Variants in AIM2 observed in about 807,000 individuals in gnomAD.
AIM2 encodes the protein interferon-inducible protein AIM2.
Under a neutral mutation model 27.7 loss-of-function variants are expected in AIM2, and 30 were observed. The ratio of observed to expected loss-of-function variants is 1.08; its 90% CI spans 0.81 to 1.47. The LOEUF is 1.47. AIM2 is among the 40% of genes most tolerant of loss of function. The pLI is 0.00. For missense variants in AIM2, 358 were observed against 411.3 expected, an observed-to-expected ratio of 0.87 and a Z score of 1.12; for synonymous variants, 141 against 145.3, an observed-to-expected ratio of 0.97 and a Z score of 0.21.
upstream of AIM2, chr1:159,081,617 C>A: frequency 2.5e-6 from 1 of 393,536 alleles, no homozygotes; most frequent in South Asian, 2.1e-5. Context: ...AAATAGCATC[C>A]AAGGGTCACC....
intron 1 of AIM2, among the ~76,000 whole-genome samples, chr1:159,116,792 C>T (rs1033469625): frequency 2.0e-5 from 3 of 151,196 alleles, no homozygotes; most frequent in African/African-American, 7.3e-5. Context: ...ATGTAACTAA[C>T]CTGCACATTG....
intron 1 of AIM2, among the ~76,000 whole-genome samples, chr1:159,136,552 A>G (rs1648012196): frequency 6.6e-6 from 1 of 152,190 alleles, no homozygotes; most frequent in Non-Finnish European, 1.5e-5. Context: ...CCCTTATCAT[A>G]ATACGCCATT....
intron 1 of AIM2, among the ~76,000 whole-genome samples, chr1:159,098,563 T>C (rs952856577): frequency 5.3e-5 from 8 of 152,212 alleles, no homozygotes; most frequent in Admixed American, 4.6e-4. Flanking sequence ...TGTGTATTGC[T>C]GACCTAGAGA....
intron 1 of AIM2, among the ~76,000 whole-genome samples, chr1:159,084,132 C>T (rs1015639271): frequency 5.3e-5 from 8 of 152,144 alleles, no homozygotes; most frequent in African/African-American, 1.9e-4. Flanking sequence ...TCAAGGGTAC[C>T]CTGCTAGTAT....
chr1:159,061,695 G>A (rs550627272), downstream of AIM2, among the ~76,000 whole-genome samples: 127 of 151,356 alleles, frequency 8.4e-4, no homozygotes, highest in African/African-American at 2.8e-3. Context: ...GTGAGCCACC[G>A]TGCCTGGCCT....
intron 1 of AIM2, among the ~76,000 whole-genome samples, chr1:159,088,067 TGGTGATAAG>T (rs987548055): frequency 1.8e-4 from 28 of 152,252 alleles, no homozygotes; most frequent in African/African-American, 6.5e-4. Flanking sequence ...TTAATATAAC[TGGTGATAAG>T]TTGAGTCTCT....
At chr1:159,134,358 A>G (rs1453994716) in intron 1 of AIM2, among the ~76,000 whole-genome samples, 1 of 152,152 alleles carries the variant, frequency 6.6e-6, no homozygotes, top group Non-Finnish European at 1.5e-5. Context: ...ATCTTTCCAA[A>G]ATGCAAATCC....
rs547461513 is a variant in AIM2, at chr1:159,063,408, G to C, written c.1005+78C>G. ...CTTCCACTCTATATCCTGTTCAATGGCTCCAGTCCGGCTTTCTGATAGAAA... is the reference window on the plus strand; with the variant it reads ...CTTCCACTCTATATCCTGTTCAATGCCTCCAGTCCGGCTTTCTGATAGAAA... On this transcript the variant is annotated intron_variant, in intron 5 of 5. Coordinates refer to ENST00000368130, the MANE Select transcript of AIM2 (RefSeq NM_004833.3). 2.2e-4 allele frequency: 298 copies of C among 1,376,968 alleles called. 1 individual carries two copies. Among genetic ancestry groups the C allele is most frequent in the Admixed American group, 4.9e-4 (23 of 46,812 alleles). The allele number at this position is 1,376,968 out of a possible 1,614,324, so 85.3% of individuals were successfully genotyped here.
intron 1 of AIM2, among the ~76,000 whole-genome samples, chr1:159,099,530 C>A (rs918772550): frequency 6.6e-5 from 10 of 152,148 alleles, no homozygotes; most frequent in African/African-American, 2.4e-4. Context: ...CTAGACCTAT[C>A]ACATCACTCT....
In AIM2 at chr1:159,085,235, T is replaced by G. The variant is rs115339405; in HGVS notation, c.-15-18906A>C. On this transcript the variant is annotated intron_variant, in intron 1 of 2. Coordinates refer to the AIM2 transcript ENST00000368129. ...CAAGCCTAGGTCACCTGTGTCCATCTGGGCTGCAAGAAAAAAAAAATGAGA... is the reference window on the plus strand; with the variant it reads ...CAAGCCTAGGTCACCTGTGTCCATCGGGGCTGCAAGAAAAAAAAAATGAGA... 1.7e-3 allele frequency among the ~76,000 whole-genome samples: 257 copies of G among 152,228 alleles called. 1 individual carries two copies. Among genetic ancestry groups the G allele is most frequent in the Middle Eastern group, 3.4e-3 (1 of 294 alleles).
intron 1 of AIM2, among the ~76,000 whole-genome samples, chr1:159,129,295 T>C (rs1457456676): frequency 6.6e-6 from 1 of 152,228 alleles, no homozygotes; most frequent in Non-Finnish European, 1.5e-5. Flanking sequence ...TCCAAAACTT[T>C]GACAGAATAA....
At chr1:159,056,717 CAAAAAAAAAAAAAAAAA>C in the AIM2 span, among the ~76,000 whole-genome samples, 4 of 44,210 alleles carry the variant, frequency 9.0e-5, no homozygotes, top group East Asian at 1.2e-3. Context: ...GCCCAACCGG[CAAAAAAAAAAAAAAAAA>C]AAAAAAAAAA....
rs545699523 is a variant in AIM2, at chr1:159,128,356, G to A, written c.-16+12075C>T. 5.9e-5 allele frequency among the ~76,000 whole-genome samples: 9 copies of A among 151,806 alleles called. No homozygotes were observed. In the East Asian group the frequency reaches 1.2e-3, roughly 20 times the overall value. ...ACACGAGTGGCCTGTCCAGAATCCC[G>A]TCCTCTCTTTCCTTTGAGTTTTCTA... On this transcript the variant is annotated intron_variant, in intron 1 of 2. Transcript: ENST00000368129.
intron 1 of AIM2, among the ~76,000 whole-genome samples, chr1:159,083,474 G>A (rs999667264): frequency 6.6e-6 from 1 of 152,230 alleles, no homozygotes; most frequent in South Asian, 2.1e-4. Flanking sequence ...TATCATCCTT[G>A]TAATATTATT....
At chr1:159,101,064 TATACTC>T (rs929200405) in intron 1 of AIM2, among the ~76,000 whole-genome samples, 15 of 152,112 alleles carry the variant, frequency 9.9e-5, no homozygotes, top group African/African-American at 3.4e-4. Context: ...CAACATCACA[TATACTC>T]ATATGATATG....
intron 1 of AIM2, among the ~76,000 whole-genome samples, chr1:159,134,341 T>A (rs1455071801): frequency 6.6e-6 from 1 of 152,212 alleles, no homozygotes; most frequent in Admixed American, 6.5e-5. Context: ...GAGCAGCAGC[T>A]GGAGTAATCT....
intron 1 of AIM2, among the ~76,000 whole-genome samples, chr1:159,114,634 C>T (rs1027771647): frequency 9.2e-5 from 14 of 152,098 alleles, no homozygotes; most frequent in African/African-American, 2.7e-4. Flanking sequence ...CACTTGAACC[C>T]GGGAGGTGGA....
At chr1:159,102,303 G>A (rs539369956) in intron 1 of AIM2, among the ~76,000 whole-genome samples, 1 of 152,344 alleles carries the variant, frequency 6.6e-6, no homozygotes, top group South Asian at 2.1e-4. Flanking sequence ...AGATTTCAGA[G>A]GATGTATGGA....
chr1:159,085,082 T>C (rs1326673640), intron 1 of AIM2, among the ~76,000 whole-genome samples: 1 of 152,152 alleles, frequency 6.6e-6, no homozygotes, highest in Non-Finnish European at 1.5e-5. Context: ...TACTTCGCAA[T>C]TGCTGCTATT....
Sources: allele counts gnomAD v4.1 joint callset (sites outside exome capture counted in the v4.1 genomes callset), GRCh38; gene constraint gnomAD v4.1.1; transcripts MANE v1.5; gene names NCBI Gene and HGNC (gene_info 2026-07-23, HGNC 2026-07-21).